API5: variants seen among roughly 807,000 people sequenced by gnomAD.
API5 encodes FIF.
API5 carries 6 observed loss-of-function variants against 71.9 expected under a neutral mutation model. The ratio of observed to expected loss-of-function variants is 0.08; its 90% CI spans 0.05 to 0.16. The LOEUF (loss-of-function observed/expected upper bound fraction) is 0.16, where lower values mean the gene tolerates loss of function less well. Ranked by LOEUF, API5 falls within the 10% of genes least tolerant of loss-of-function variation. The pLI is 1.00. For synonymous variants in API5, 189 were observed against 221.3 expected (o/e 0.85, Z 1.30); for missense variants, 332 against 612.8 (o/e 0.54, Z 4.84).
At chr11:43,315,905 A>G (rs1854652648) in intron 1 of API5, among the ~76,000 whole-genome samples, 1 of 152,160 alleles carries the variant, frequency 6.6e-6, no homozygotes, top group Admixed American at 6.6e-5. Flanking sequence ...ACTTACTTTA[A>G]ATATAGATAC....
intron 11 of API5, among the ~76,000 whole-genome samples, chr11:43,332,966 T>G (rs1443988736): frequency 2.0e-5 from 3 of 152,166 alleles, no homozygotes; most frequent in African/African-American, 7.2e-5. Context: ...AGATGCTTCT[T>G]AAAAATAAAA....
intron 6 of API5, 101 bp downstream of exon 6, chr11:43,323,737 T>C (rs1440100022): frequency 1.8e-6 from 2 of 1,095,822 alleles, no homozygotes; most frequent in East Asian, 2.4e-5. Context: ...GTGTCCCTTA[T>C]CTGAAATGCT....
intron 7 of API5, 31 bp downstream of exon 7, chr11:43,326,642 A>G: frequency 1.7e-6 from 2 of 1,193,406 alleles, no homozygotes; most frequent in Non-Finnish European, 2.5e-6. Flanking sequence ...TAGCACTGAT[A>G]AGGCATTCTT....
At chr11:43,334,780 G>T (rs1565111388) in intron 11 of API5, among the ~76,000 whole-genome samples, 1 of 151,922 alleles carries the variant, frequency 6.6e-6, no homozygotes, top group Non-Finnish European at 1.5e-5. Context: ...TAGGGCACGG[G>T]GAAACATGAT....
rs901064122 is a variant in API5 at position 43,312,108 on chromosome 11, C to T, written c.-20C>T. The T allele has an allele frequency of 6.2e-7, 1 of 1,613,198 alleles. No individual in the cohort carries two copies. Among genetic ancestry groups the T allele is most frequent in the South Asian group, 1.1e-5 (1 of 91,026 alleles). On this transcript the variant is annotated 5_prime_UTR_variant, in exon 1 of 14. Transcript: ENST00000531273. ...TCAGGACAAGGATAGCGGAACCGGG[C>T]CCTGGGCTTGTCGCTCACCATGCCG...
intron 1 of API5, among the ~76,000 whole-genome samples, chr11:43,313,934 C>T (rs958575008): frequency 6.6e-6 from 1 of 151,934 alleles, no homozygotes; most frequent in Admixed American, 6.6e-5. Flanking sequence ...ACTAAAAATA[C>T]AAAAATTAGC....
At chr11:43,332,206 C>CACTA (rs1314074591) in intron 11 of API5, 2 of 152,172 alleles carry the variant, frequency 1.3e-5, no homozygotes, top group Non-Finnish European at 2.9e-5. Flanking sequence ...GCACTTCTAA[C>CACTA]ACCAGATGGG....
At chr11:43,320,149 G>A (rs1309369682) in intron 2 of API5, among the ~76,000 whole-genome samples, 3 of 150,468 alleles carry the variant, frequency 2.0e-5, no homozygotes, top group Admixed American at 1.3e-4. Flanking sequence ...TGGTTCAAGC[G>A]ATTCTTCTGT....
intron 6 of API5, among the ~76,000 whole-genome samples, chr11:43,326,050 A>G (rs1426881620): frequency 6.6e-6 from 1 of 152,160 alleles, no homozygotes; most frequent in African/African-American, 2.4e-5. Flanking sequence ...AGGAATCATT[A>G]GGCATCCACC....
At chr11:43,329,836 T>A (rs1855194636) in intron 9 of API5, 129 bp from the exon 10 acceptor site, 1 of 701,916 alleles carries the variant, frequency 1.4e-6, no homozygotes, top group Non-Finnish European at 2.4e-6. Context: ...CAACTTAAAA[T>A]TCTCTTCTTT....
chr11:43,325,035 A>G (rs985888360), intron 6 of API5, among the ~76,000 whole-genome samples: 5 of 152,214 alleles, frequency 3.3e-5, no homozygotes, highest in Non-Finnish European at 7.4e-5. Context: ...AGATGTTCCA[A>G]TGCTCCAGAT....
intron 3 of API5, 33 bp downstream of exon 3, chr11:43,320,947 A>C (rs748770348): frequency 4.6e-6 from 7 of 1,523,210 alleles, no homozygotes; most frequent in Non-Finnish European, 6.4e-6. Flanking sequence ...TTTTCTCTAA[A>C]TATATATCTT....
chr11:43,331,169 G>A (rs771928662), intron 11 of API5: 4 of 152,688 alleles, frequency 2.6e-5, no homozygotes, highest in African/African-American at 9.7e-5. Context: ...ATGTAAAAAT[G>A]ATACAGAATA....
intron 13 of API5, among the ~76,000 whole-genome samples, chr11:43,340,673 T>C (rs778068621): frequency 1.3e-5 from 2 of 151,468 alleles, no homozygotes; most frequent in Non-Finnish European, 3.0e-5. Flanking sequence ...AGAATACTCA[T>C]TGGAGGGACA....
intron 9 of API5, 126 bp downstream of exon 9, chr11:43,329,019 GT>G: frequency 1.0e-6 from 1 of 967,622 alleles, no homozygotes; most frequent in South Asian, 1.7e-5. Context: ...AGATTGGAGG[GT>G]TCAGAAAATG....
At position 43,344,309 on chromosome 11, in the gene API5, C is replaced by T. The variant is rs1442291158; in HGVS notation, c.*1799C>T. On this transcript the variant is annotated 3_prime_UTR_variant, in exon 14 of 14. Coordinates refer to ENST00000531273, the MANE Select transcript of API5 (RefSeq NM_001142930.2). ...TCAGAACTGAGCAGAAGTGACTTTACTTTCTCAAGTTTGATACTGAGTTGA... is the reference window on the plus strand; with the variant it reads ...TCAGAACTGAGCAGAAGTGACTTTATTTTCTCAAGTTTGATACTGAGTTGA... 6.6e-6 allele frequency: 1 copy of T among 152,608 alleles called. No homozygotes were observed. Among genetic ancestry groups the T allele is most frequent in the Non-Finnish European group, 1.5e-5 (1 of 68,024 alleles). The allele number at this position is 152,608 out of a possible 1,614,324, so 9.5% of individuals were successfully genotyped here. A position where few individuals can be genotyped will look rare whatever the true frequency, so the allele number is the denominator to read the frequency against.
At chr11:43,340,264 G>T in intron 13 of API5, 1 of 327,020 alleles carries the variant, frequency 3.1e-6, no homozygotes, top group South Asian at 2.4e-5. Flanking sequence ...ACAAAACACT[G>T]ATGAAAGAAA....
intron 5 of API5, 128 bp from the exon 6 acceptor site, chr11:43,323,302 C>T: frequency 1.1e-6 from 1 of 896,698 alleles, no homozygotes; most frequent in Non-Finnish European, 1.7e-6. Flanking sequence ...GCCTTTTCGT[C>T]AGTATTTTGG....
At position 43,314,866 on chromosome 11, in the gene API5, A is replaced by C. The variant is rs141427196; in HGVS notation, c.69+2670A>C. Among the ~76,000 whole-genome samples, 687 of 152,336 alleles carry C rather than the reference A, an allele frequency of 4.5e-3. 4 individuals carry two copies. Among genetic ancestry groups the C allele is most frequent in the African/African-American group, 0.016 (646 of 41,572 alleles). On this transcript the variant is annotated intron_variant, in intron 1 of 13. Coordinates refer to ENST00000531273, the MANE Select transcript of API5 (RefSeq NM_001142930.2). ...CAGTAGGTTTTAGGATATTGCTTGT[A>C]ATTTTAACTAACAAAGGCAAAAGCC...
Sources: gnomAD v4.1 joint callset for allele counts (sites outside exome capture counted in the v4.1 genomes callset) on GRCh38, gnomAD v4.1.1 for gene constraint, MANE v1.5 for transcripts, NCBI Gene and HGNC (gene_info 2026-07-23, HGNC 2026-07-21) for gene names.